The following SLC26A3 variants were observed in gnomAD, a reference collection of about 807,000 sequenced individuals.
SLC26A3 encodes the protein solute carrier family 26 member 3, also known as chloride anion exchanger.
SLC26A3 carries 64 observed loss-of-function variants against 85.6 expected under a neutral mutation model. The ratio of observed to expected loss-of-function variants is 0.75; its 90% CI spans 0.61 to 0.92. The LOEUF is 0.92. Ranked by LOEUF, SLC26A3 falls within the 40% of genes least tolerant of loss-of-function variation. SLC26A3 has a pLI of 0.00. For missense variants in SLC26A3, 922 were observed against 927.3 expected (o/e 0.99, Z 0.07); for synonymous variants, 349 against 336.0 (o/e 1.04, Z -0.42).
rs190221293 is a variant in SLC26A3 at position 107,775,224 on chromosome 7, G to A, written c.1678-352C>T. On this transcript the variant is annotated intron_variant, in intron 15 of 20. Coordinates refer to ENST00000340010, the MANE Select transcript of SLC26A3 (RefSeq NM_000111.3). The stretch of plus-strand genomic sequence containing the variant: ...TACTTATTTTCTATTTATTGAGTAC[G>A]AGTTGCACCTACATAAGTATTCTGC... 4.6e-5 allele frequency among the ~76,000 whole-genome samples: 7 copies of A among 152,154 alleles called. No individual in the cohort carries two copies. In the East Asian group the frequency reaches 1.2e-3, roughly 25 times the overall value.
intron 18 of SLC26A3, among the ~76,000 whole-genome samples, chr7:107,770,539 T>C (rs1794012233): frequency 6.6e-6 from 1 of 152,122 alleles, no homozygotes; most frequent in Admixed American, 6.6e-5. Flanking sequence ...ATTACAGGCA[T>C]GAGCCACCGC....
At chr7:107,797,765 C>T (rs1013020771) in intron 1 of SLC26A3, among the ~76,000 whole-genome samples, 3 of 90,860 alleles carry the variant, frequency 3.3e-5, no homozygotes, top group African/African-American at 7.4e-5. Flanking sequence ...CGGAGTCTTG[C>T]TCTGTCGCCC....
At chr7:107,799,444 G>T (rs1015558158) in intron 1 of SLC26A3, among the ~76,000 whole-genome samples, 1 of 152,090 alleles carries the variant, frequency 6.6e-6, no homozygotes, top group African/African-American at 2.4e-5. Context: ...AGGCTGGAGT[G>T]CAGTGGCGCG....
At chr7:107,798,818 T>C (rs192450528) in intron 1 of SLC26A3, among the ~76,000 whole-genome samples, 44 of 152,190 alleles carry the variant, frequency 2.9e-4, no homozygotes, top group Non-Finnish European at 5.3e-4. Context: ...TCTCAAAATA[T>C]CTCTGAGCCA....
intron 17 of SLC26A3, 71 bp from the exon 18 acceptor site, chr7:107,772,179 G>A (rs1794040135): frequency 1.1e-6 from 1 of 878,546 alleles, no homozygotes; most frequent in African/African-American, 1.7e-5. Context: ...AAAACAATCA[G>A]AATTATACCT....
At chr7:107,785,740 T>C (rs934607544) in intron 8 of SLC26A3, among the ~76,000 whole-genome samples, 5 of 151,926 alleles carry the variant, frequency 3.3e-5, no homozygotes, top group African/African-American at 1.2e-4. Flanking sequence ...GATCTGGTAA[T>C]AAAAAAAATG....
chr7:107,769,953 C>T (rs1343954778), intron 18 of SLC26A3, among the ~76,000 whole-genome samples: 1 of 151,816 alleles, frequency 6.6e-6, no homozygotes, highest in Non-Finnish European at 1.5e-5. Context: ...CCCTGATCAC[C>T]AGTTTTTCTT....
intron 18 of SLC26A3, 51 bp from the exon 19 acceptor site, chr7:107,767,959 C>T (rs368667815): frequency 4.2e-4 from 660 of 1,569,186 alleles, no homozygotes; most frequent in East Asian, 6.5e-4. Flanking sequence ...GTTTGGCTAC[C>T]GGTTTCCCCT....
At position 107,794,529 on chromosome 7, in the gene SLC26A3, G is replaced by A; in HGVS notation, c.-20C>T. ...AATCATTTTGATTTTTCTGTTGGCT[G>A]TGGCAAGTTGAAGACCTTTGCAACT... On this transcript the variant is annotated 5_prime_UTR_variant, in exon 2 of 21. Coordinates refer to ENST00000340010, the MANE Select transcript of SLC26A3 (RefSeq NM_000111.3). The A allele has an allele frequency of 6.2e-7, 1 of 1,613,812 alleles. No homozygotes were observed. The highest frequency in any genetic ancestry group is 8.5e-7 in the Non-Finnish European group (1 of 1,179,732).
In SLC26A3 at chr7:107,793,887, A is replaced by G. The variant is rs1794449590; in HGVS notation, c.132-6T>C. On this transcript the variant is annotated splice_region_variant and splice_polypyrimidine_tract_variant and intron_variant, in intron 2 of 20. Transcript: ENST00000340010. The stretch of plus-strand genomic sequence containing the variant: ...TGGCCTTTTGTGGGGAACAGCTGAA[A>G]ACATGGAAAGCCACAGGTCAGTCAA... The G allele has an allele frequency of 1.9e-6, 3 of 1,614,096 alleles. No individual in the cohort carries two copies. Among genetic ancestry groups the G allele is most frequent in the Non-Finnish European group, 2.5e-6 (3 of 1,179,968 alleles).
rs10681903 is a variant in SLC26A3, at chr7:107,778,360, C to CTTT, written c.1408-82_1408-80dup. ...GTCGAGACGGGGTCTTTTAAAAAGA[C>CTTT]TTTTTTTTTTTTTTTTTGTAGCGAC... On this transcript the variant is annotated intron_variant, in intron 12 of 20. Transcript: ENST00000340010. 9.0e-3 allele frequency: 4,130 copies of CTTT among 460,174 alleles called. 48 individuals are homozygous for CTTT. Among genetic ancestry groups the CTTT allele is most frequent in the Non-Finnish European group, 0.011 (2,838 of 269,240 alleles). 28.5% of individuals were successfully genotyped at this position (460,174 alleles called of 1,614,324 possible).
chr7:107,778,345 G>T, intron 12 of SLC26A3, 64 bp from the exon 13 acceptor site: 1 of 757,858 alleles, frequency 1.3e-6, no homozygotes, highest in Non-Finnish European at 2.1e-6. Context: ...GTCGAGACGG[G>T]GTCTTTTAAA....
intron 18 of SLC26A3, 22 bp downstream of exon 18, chr7:107,772,032 A>G: frequency 6.3e-7 from 1 of 1,583,140 alleles, no homozygotes; most frequent in Non-Finnish European, 8.7e-7. Context: ...TCAGAACATA[A>G]AACAAAAATA....
At chr7:107,792,605 T>C (rs923519794) in intron 3 of SLC26A3, among the ~76,000 whole-genome samples, 1 of 152,066 alleles carries the variant, frequency 6.6e-6, no homozygotes, top group African/African-American at 2.4e-5. Context: ...TAAATACAGG[T>C]GAGGCTTCAT....
At chr7:107,769,339 T>C (rs1793966136) in intron 18 of SLC26A3, among the ~76,000 whole-genome samples, 1 of 152,038 alleles carries the variant, frequency 6.6e-6, no homozygotes, top group African/African-American at 2.4e-5. Flanking sequence ...CCATCAGTGA[T>C]AGACTGGATA....
Position 107,776,544 on chromosome 7 carries a change from T to A in SLC26A3, c.1585A>T (p.Met529Leu). Reference protein sequence around the residue: ...IYKNKKDYYDMYEPEGVKIFR... With the variant: ...IYKNKKDYYDLYEPEGVKIFR... ...ATTTTCACTCCTTCTGGCTCATACATCTGTAAGGCAGAGAAGCATTGTTAG... is the reference window on the plus strand; with the variant it reads ...ATTTTCACTCCTTCTGGCTCATACAACTGTAAGGCAGAGAAGCATTGTTAG... Residue 529 changes from methionine to leucine, a missense_variant and splice_region_variant, in exon 15 of 21, where the codon ATG (methionine) becomes TTG (leucine). By Grantham distance (15) the Met-to-Leu change is conservative (BLOSUM62 2). Coordinates refer to ENST00000340010, the MANE Select transcript of SLC26A3 (RefSeq NM_000111.3). 1 of 1,613,628 alleles carries A rather than the reference T, an allele frequency of 6.2e-7. No homozygotes were observed. The highest frequency in any genetic ancestry group is 1.1e-5 in the South Asian group (1 of 91,082).
intron 12 of SLC26A3, 124 bp from the exon 13 acceptor site, chr7:107,778,405 A>T (rs913543002): frequency 9.5e-6 from 6 of 630,468 alleles, no homozygotes; most frequent in Non-Finnish European, 2.6e-6. Context: ...TTGTCCCTAT[A>T]AAAAAAATTT....
intron 6 of SLC26A3, among the ~76,000 whole-genome samples, chr7:107,789,273 T>C (rs974341996): frequency 2.6e-5 from 4 of 151,836 alleles, no homozygotes; most frequent in Admixed American, 1.3e-4. Flanking sequence ...CCTGCCACCA[T>C]GCCCGGCTAT....
chr7:107,802,093 G>GA (rs55666944), intron 1 of SLC26A3, among the ~76,000 whole-genome samples: 9,951 of 96,764 alleles, frequency 0.1, 416 homozygotes, highest in African/African-American at 0.15. Context: ...ATCCGTCTCA[G>GA]AAAAAAAAAA....
Sources: gnomAD v4.1 joint callset for allele counts (sites outside exome capture counted in the v4.1 genomes callset) on GRCh38, gnomAD v4.1.1 for gene constraint, MANE v1.5 for transcripts, NCBI Gene and HGNC (gene_info 2026-07-23, HGNC 2026-07-21) for gene names.